The following PRRT1B variants were observed in gnomAD, a reference collection of about 807,000 sequenced individuals.
PRRT1B encodes proline rich transmembrane protein 1B.
At chr9:131,548,247 C>A (rs1950988471) in intron 1 of PRRT1B, among the ~76,000 whole-genome samples, 2 of 151,656 alleles carry the variant, frequency 1.3e-5, no homozygotes, top group South Asian at 4.2e-4. Context: ...GGGCAAGCAT[C>A]CCCCACCCCT....
intron 1 of PRRT1B, among the ~76,000 whole-genome samples, chr9:131,550,933 CTTTTTCTTTTTTT>C (rs1268255245): frequency 4.3e-5 from 5 of 116,874 alleles, no homozygotes; most frequent in East Asian, 5.0e-4. Context: ...TTTTTCTTTT[CTTTTTCTTTTTTT>C]TTTTTTTTTT....
At chr9:131,557,926 G>A (rs1369734339) in intron 3 of PRRT1B, 127 bp from the exon 4 acceptor site, 2 of 397,228 alleles carry the variant, frequency 5.0e-6, no homozygotes, top group Non-Finnish European at 8.9e-6. Flanking sequence ...GGCCTGGCAG[G>A]TCCCTGACCT....
At chr9:131,559,624 G>A (rs1274841848), downstream of PRRT1B, among the ~76,000 whole-genome samples, 1 of 152,238 alleles carries the variant, frequency 6.6e-6, no homozygotes, top group African/African-American at 2.4e-5. Flanking sequence ...CAGAAAGCTG[G>A]AGAGGCAGGC....
Position 131,556,222 on chromosome 9 carries a change from G to A in PRRT1B, c.642+9G>A, listed in dbSNP as rs564758818. On this transcript the variant is annotated intron_variant, in intron 3 of 3. Coordinates refer to ENST00000636672, the Ensembl canonical transcript of PRRT1B. ...TCGTCTACTCCCACGAGGTAGGTGC[G>A]GGGGCGGCCCTGGGCACAGCCTCTC... 6.5e-5 allele frequency: 25 copies of A among 384,504 alleles called. No homozygotes were observed. The East Asian group carries it at 7.1e-4, about 11-fold the overall frequency. The allele number at this position is 384,504 out of a possible 1,614,324, so 23.8% of individuals were successfully genotyped here.
At chr9:131,552,677 GTT>G (rs60006538) in intron 1 of PRRT1B, among the ~76,000 whole-genome samples, 7 of 141,492 alleles carry the variant, frequency 4.9e-5, no homozygotes, top group South Asian at 2.2e-4. Flanking sequence ...AACCTCTAAG[GTT>G]TTTTTTTTTT....
intron 1 of PRRT1B, among the ~76,000 whole-genome samples, chr9:131,549,110 G>A (rs186499830): frequency 1.3e-5 from 2 of 152,032 alleles, no homozygotes; most frequent in African/African-American, 2.4e-5. Flanking sequence ...ATCCGCTCCC[G>A]ACATTAAATA....
intron 3 of PRRT1B, 22 bp from the exon 4 acceptor site, chr9:131,558,031 C>T (rs1951061575): frequency 2.5e-6 from 1 of 399,052 alleles, no homozygotes; most frequent in Non-Finnish European, 4.4e-6. Flanking sequence ...CCACCGCCCC[C>T]TCCTGCCCTG....
chr9:131,552,253 T>C (rs1375427422), intron 1 of PRRT1B, among the ~76,000 whole-genome samples: 3 of 152,236 alleles, frequency 2.0e-5, no homozygotes, highest in African/African-American at 7.2e-5. Context: ...CAATCACAGC[T>C]CACTGCCCCC....
intron 1 of PRRT1B, among the ~76,000 whole-genome samples, chr9:131,545,881 G>T (rs1950971203): frequency 6.6e-6 from 1 of 152,240 alleles, no homozygotes; most frequent in East Asian, 1.9e-4. Context: ...ATAACTGCGG[G>T]CCATGTTCTG....
intron 3 of PRRT1B, among the ~76,000 whole-genome samples, chr9:131,556,438 A>G (rs376874478): frequency 3.9e-5 from 6 of 152,330 alleles, no homozygotes; most frequent in African/African-American, 1.4e-4. Flanking sequence ...GGCCAAAACA[A>G]TTCACGGTAA....
At chr9:131,546,517 CG>C (rs201363051) in intron 1 of PRRT1B, among the ~76,000 whole-genome samples, 42 of 152,048 alleles carry the variant, frequency 2.8e-4, no homozygotes, top group East Asian at 1.2e-3. Context: ...GCGCACTCCC[CG>C]CCCCCTCATC....
rs141795196 is a variant in PRRT1B, at chr9:131,558,057, G to A, written c.647G>A (p.Arg216His). The A allele has an allele frequency of 2.7e-3, 1,075 of 399,716 alleles. 4 individuals carry two copies. The highest frequency in any genetic ancestry group is 4.2e-3 in the Non-Finnish European group (956 of 226,214). 24.8% of individuals were successfully genotyped at this position (399,716 alleles called of 1,614,324 possible). ...TCCTGCCCTGTCTCGTTGCAGGCCC[G>A]TGCAGCACTGGGCAGGGGTGACCTG... Residue 216 changes from arginine (R) to histidine (H), a missense_variant, in exon 4 of 4, where the codon CGT (arginine) becomes CAT (histidine). Coordinates refer to ENST00000636672, the Ensembl canonical transcript of PRRT1B.
chr9:131,546,412 G>A (rs1333392942), intron 1 of PRRT1B, among the ~76,000 whole-genome samples: 1 of 152,126 alleles, frequency 6.6e-6, no homozygotes, highest in African/African-American at 2.4e-5. Context: ...TGGAAGGGGC[G>A]GGGGGCAAGG....
chr9:131,549,670 T>C (rs1023545064), intron 1 of PRRT1B, among the ~76,000 whole-genome samples: 6 of 152,162 alleles, frequency 3.9e-5, no homozygotes, highest in African/African-American at 1.4e-4. Flanking sequence ...ATACGGAGGC[T>C]ACCCACTCCA....
intron 3 of PRRT1B, among the ~76,000 whole-genome samples, chr9:131,556,962 C>T (rs1362502370): frequency 6.6e-6 from 1 of 151,978 alleles, no homozygotes; most frequent in Non-Finnish European, 1.5e-5. Context: ...CTCCATCCAT[C>T]CATCATCCAT....
At chr9:131,558,895 T>C (rs11792907), downstream of PRRT1B, among the ~76,000 whole-genome samples, 18,589 of 152,234 alleles carry the variant, frequency 0.12, 1,282 homozygotes, top group South Asian at 0.21. Context: ...CTGTCCACAG[T>C]TGGGCTCCAG....
exon 2 of PRRT1B, chr9:131,554,890 C>T (rs1034069503): frequency 7.8e-6 from 3 of 382,732 alleles, no homozygotes; most frequent in Admixed American, 4.5e-5. Context: ...CTGCTGTACC[C>T]GCCCTTCCCG....
chr9:131,557,907 C>T (rs925989349), intron 3 of PRRT1B, 146 bp from the exon 4 acceptor site: 5 of 397,056 alleles, frequency 1.3e-5, no homozygotes, highest in South Asian at 1.4e-4. Context: ...TGCCCCCTTT[C>T]GAGCTGTGGG....
At chr9:131,558,900 C>T (rs1270488281), downstream of PRRT1B, among the ~76,000 whole-genome samples, 1 of 152,200 alleles carries the variant, frequency 6.6e-6, no homozygotes, top group Non-Finnish European at 1.5e-5. Context: ...CACAGTTGGG[C>T]TCCAGGGCAC....
Sources: allele counts gnomAD v4.1 joint callset (sites outside exome capture counted in the v4.1 genomes callset), GRCh38; gene constraint gnomAD v4.1.1; transcripts MANE v1.5; gene names NCBI Gene and HGNC (gene_info 2026-07-23, HGNC 2026-07-21).